Variants in FAP observed in about 807,000 individuals in gnomAD.
FAP encodes fibroblast activation protein alpha, also known as prolyl endopeptidase FAP.
A neutral mutation model predicts 126.5 loss-of-function variants in FAP; 110 were observed. That is an observed-to-expected ratio of 0.87 (90% CI 0.74 to 1.02). The LOEUF (loss-of-function observed/expected upper bound fraction) is 1.02, where lower values mean the gene tolerates loss of function less well. FAP is among the 50% of genes least tolerant of loss of function. The pLI is 0.00. For missense variants in FAP, 919 were observed against 909.2 expected, an observed-to-expected ratio of 1.01 and a Z score of -0.14; for synonymous variants, 334 against 297.3, an observed-to-expected ratio of 1.12 and a Z score of -1.27.
At chr2:162,230,501 C>G (rs1689855748) in intron 2 of FAP, among the ~76,000 whole-genome samples, 1 of 151,724 alleles carries the variant, frequency 6.6e-6, no homozygotes, top group African/African-American at 2.4e-5. Flanking sequence ...CTTGACATAG[C>G]ATGGGAGCTC....
intron 21 of FAP, among the ~76,000 whole-genome samples, chr2:162,179,808 A>ATTTTTTTTTTTT (rs1288686851): frequency 7.5e-6 from 1 of 133,962 alleles, no homozygotes. Flanking sequence ...ATATATATAT[A>ATTTTTTTTTTTT]TATATTTTTT....
In FAP at chr2:162,188,447, A is replaced by G. The variant is rs1687928972; in HGVS notation, c.1620-84T>C. The G allele has an allele frequency of 2.6e-6, 3 of 1,137,060 alleles. No homozygotes were observed. In the East Asian group the frequency reaches 7.5e-5, roughly 29 times the overall value. The allele number at this position is 1,137,060 out of a possible 1,614,324, so 70.4% of individuals were successfully genotyped here. On this transcript the variant is annotated intron_variant, in intron 19 of 25. Coordinates refer to ENST00000188790, the MANE Select transcript of FAP (RefSeq NM_004460.5). ...ATCCTGGCCAAGCATTGCTTCTAGT[A>G]ATTCCAGTACAATTATGTGATAAAA...
intron 2 of FAP, among the ~76,000 whole-genome samples, chr2:162,240,454 G>T (rs1318852699): frequency 6.6e-6 from 1 of 151,872 alleles, no homozygotes; most frequent in Non-Finnish European, 1.5e-5. Flanking sequence ...TCCTTCTCTG[G>T]TATCTGTGGT....
At chr2:162,225,364 G>A (rs933135381) in intron 4 of FAP, 119 bp downstream of exon 4, 3 of 1,287,560 alleles carry the variant, frequency 2.3e-6, no homozygotes, top group Non-Finnish European at 3.2e-6. Flanking sequence ...CTCTAGTGGA[G>A]TATGGAGCTG....
At chr2:162,232,725 T>G (rs1308238938) in intron 2 of FAP, among the ~76,000 whole-genome samples, 1 of 152,186 alleles carries the variant, frequency 6.6e-6, no homozygotes, top group Non-Finnish European at 1.5e-5. Context: ...AAATAGCCCA[T>G]TTGTGTGTTA....
intron 17 of FAP, among the ~76,000 whole-genome samples, chr2:162,192,921 G>C (rs1688105625): frequency 6.6e-6 from 1 of 152,088 alleles, no homozygotes; most frequent in African/African-American, 2.4e-5. Flanking sequence ...CTCTTCCTGT[G>C]TGCTTCCAGG....
chr2:162,179,713 A>C (rs1475803482), intron 21 of FAP, among the ~76,000 whole-genome samples: 1 of 151,920 alleles, frequency 6.6e-6, no homozygotes, highest in Non-Finnish European at 1.5e-5. Context: ...TGGACATTGC[A>C]GATGCGAGAA....
intron 23 of FAP, 137 bp downstream of exon 23, chr2:162,173,586 G>T (rs1033170596): frequency 3.0e-6 from 2 of 666,072 alleles, no homozygotes; most frequent in Non-Finnish European, 5.4e-6. Flanking sequence ...CCTTTCTAGT[G>T]ATGTGTTTTG....
intron 16 of FAP, chr2:162,197,797 C>A: frequency 5.6e-6 from 2 of 357,544 alleles, no homozygotes; most frequent in Non-Finnish European, 1.1e-5. Context: ...CCACATACCC[C>A]TACCAGGGGA....
At chr2:162,203,847 C>A (rs1278562684) in intron 12 of FAP, among the ~76,000 whole-genome samples, 1 of 152,170 alleles carries the variant, frequency 6.6e-6, no homozygotes, top group East Asian at 1.9e-4. Flanking sequence ...ACAAGCCACA[C>A]CTCAACATTC....
intron 11 of FAP, among the ~76,000 whole-genome samples, chr2:162,213,672 A>T (rs577332371): frequency 6.6e-6 from 1 of 152,108 alleles, no homozygotes; most frequent in Non-Finnish European, 1.5e-5. Context: ...TGAGAACCAG[A>T]TATCTGATTT....
At chr2:162,177,884 C>T (rs926874405) in intron 21 of FAP, among the ~76,000 whole-genome samples, 6 of 152,218 alleles carry the variant, frequency 3.9e-5, no homozygotes, top group Admixed American at 1.3e-4. Context: ...GCAATCCTCA[C>T]GGTGTCTTGG....
At chr2:162,173,579 T>G (rs1687387617) in intron 23 of FAP, 144 bp downstream of exon 23, 1 of 651,184 alleles carries the variant, frequency 1.5e-6, no homozygotes, top group Admixed American at 2.6e-5. Flanking sequence ...GTAAAACCCT[T>G]TCTAGTGATG....
At chr2:162,173,075 G>A (rs1687372243) in intron 24 of FAP, 74 bp downstream of exon 24, 3 of 1,369,750 alleles carry the variant, frequency 2.2e-6, no homozygotes, top group East Asian at 4.6e-5. Flanking sequence ...GGCATAGGAG[G>A]ATGCTTAATG....
chr2:162,202,502 A>G (rs990875527), intron 14 of FAP, among the ~76,000 whole-genome samples: 4 of 152,272 alleles, frequency 2.6e-5, no homozygotes, highest in Non-Finnish European at 5.9e-5. Context: ...TTATATAACA[A>G]TGAATCACTA....
intron 21 of FAP, among the ~76,000 whole-genome samples, chr2:162,179,245 G>GTTT (rs10708873): frequency 9.2e-6 from 1 of 108,842 alleles, no homozygotes; most frequent in Non-Finnish European, 1.9e-5. Flanking sequence ...AACTTGACAG[G>GTTT]TTTTTTTTTT....
At chr2:162,238,505 C>T (rs1274351245) in intron 2 of FAP, among the ~76,000 whole-genome samples, 1 of 152,128 alleles carries the variant, frequency 6.6e-6, no homozygotes, top group East Asian at 1.9e-4. Context: ...TTAAAATTCA[C>T]GTGCAAATTA....
At chr2:162,234,580 C>A (rs1324295086) in intron 2 of FAP, among the ~76,000 whole-genome samples, 1 of 152,024 alleles carries the variant, frequency 6.6e-6, no homozygotes, top group Admixed American at 6.5e-5. Context: ...TTTTTTCTTG[C>A]CTAATTGCCT....
intron 19 of FAP, 120 bp downstream of exon 19, chr2:162,188,983 T>C (rs1687947724): frequency 1.7e-5 from 9 of 515,370 alleles, no homozygotes; most frequent in Non-Finnish European, 2.8e-5. Context: ...GAAGAATATA[T>C]AAAAACAGCA....
Sources: allele counts gnomAD v4.1 joint callset (sites outside exome capture counted in the v4.1 genomes callset), GRCh38; gene constraint gnomAD v4.1.1; transcripts MANE v1.5; gene names NCBI Gene and HGNC (gene_info 2026-07-23, HGNC 2026-07-21).